TG: variants seen among roughly 807,000 people sequenced by gnomAD.
TG encodes the protein thyroglobulin, also known as thyroid hormones.
A neutral mutation model predicts 324.7 loss-of-function variants in TG; 270 were observed. That is an observed-to-expected ratio of 0.83 (90% CI 0.75 to 0.92). The LOEUF (loss-of-function observed/expected upper bound fraction) is 0.92. Among genes scored for constraint, TG ranks in the 40% least tolerant of loss-of-function variants. The pLI is 0.00. For synonymous variants in TG, 1,401 were observed against 1,327.0 expected, an observed-to-expected ratio of 1.06 and a Z score of -1.21; for missense variants, 3,591 against 3,456.4, an observed-to-expected ratio of 1.04 and a Z score of -0.98.
At chr8:132,941,785 G>A (rs1587501467) in intron 26 of TG, among the ~76,000 whole-genome samples, 1 of 152,112 alleles carries the variant, frequency 6.6e-6, no homozygotes, top group Non-Finnish European at 1.5e-5. Flanking sequence ...GTCTTTACGG[G>A]GCATATTGCA....
intron 41 of TG, among the ~76,000 whole-genome samples, chr8:133,080,811 C>T (rs748848085): frequency 1.3e-4 from 20 of 152,188 alleles, no homozygotes; most frequent in Non-Finnish European, 2.9e-4. Flanking sequence ...TGTGTGGATG[C>T]CTTTCCCCCT....
intron 35 of TG, among the ~76,000 whole-genome samples, chr8:132,997,150 T>C (rs1043374401): frequency 1.3e-5 from 2 of 152,248 alleles, no homozygotes; most frequent in Non-Finnish European, 2.9e-5. Context: ...TAGATGAACA[T>C]TCAGTCCACT....
intron 41 of TG, among the ~76,000 whole-genome samples, chr8:133,074,556 T>A (rs1844573091): frequency 6.6e-6 from 1 of 152,212 alleles, no homozygotes. Flanking sequence ...CAAATCCCAA[T>A]TATCCTTTGT....
At chr8:133,080,403 C>T (rs1260332034) in intron 41 of TG, among the ~76,000 whole-genome samples, 4 of 152,144 alleles carry the variant, frequency 2.6e-5, no homozygotes, top group African/African-American at 4.8e-5. Context: ...CACCACTAGG[C>T]CTAGGCTCAT....
At chr8:133,065,937 G>A (rs543736331) in intron 41 of TG, among the ~76,000 whole-genome samples, 2 of 152,264 alleles carry the variant, frequency 1.3e-5, no homozygotes, top group Non-Finnish European at 2.9e-5. Flanking sequence ...TTTCCAGCGG[G>A]GATGAGGGGT....
At chr8:132,974,220 C>G (rs1288629076) in intron 34 of TG, among the ~76,000 whole-genome samples, 1 of 152,096 alleles carries the variant, frequency 6.6e-6, no homozygotes, top group Non-Finnish European at 1.5e-5. Flanking sequence ...CCTTGAACTC[C>G]TGACCTCAGG....
chr8:133,071,736 A>C (rs1844076721), intron 41 of TG, among the ~76,000 whole-genome samples: 1 of 152,160 alleles, frequency 6.6e-6, no homozygotes, highest in Non-Finnish European at 1.5e-5. Flanking sequence ...AACCGACTGC[A>C]CTGACTACAC....
intron 26 of TG, 55 bp downstream of exon 26, chr8:132,941,597 T>A: frequency 3.1e-6 from 5 of 1,607,028 alleles, no homozygotes; most frequent in Non-Finnish European, 4.3e-6. Flanking sequence ...CACACAGGGA[T>A]GCAGAAGCCA....
In TG at chr8:133,133,555, G is replaced by A. The variant is rs945747007; in HGVS notation, c.8083G>A (p.Glu2695Lys). 1 of 1,614,202 alleles carries A rather than the reference G, an allele frequency of 6.2e-7. No homozygotes were observed. The highest frequency in any genetic ancestry group is 2.2e-5 in the East Asian group (1 of 44,884). Residue 2695 changes from glutamate (E) to lysine (K), a missense_variant, in exon 47 of 48, where the codon GAG (glutamate) becomes AAG (lysine). By Grantham distance (56) the Glu-to-Lys change is moderately conservative (BLOSUM62 1). Coordinates refer to ENST00000220616, the MANE Select transcript of TG (RefSeq NM_003235.5). ...WPDFVPRAGGENYKEFSELLP... is the reference protein window; with the variant it reads ...WPDFVPRAGGKNYKEFSELLP... The stretch of plus-strand genomic sequence containing the variant: ...TGACTTTGTACCCCGTGCTGGTGGA[G>A]AGAACTACAAGGAGTTCAGTGAGCT...
chr8:132,952,789 A>G (rs1021924253), intron 27 of TG, among the ~76,000 whole-genome samples: 1 of 152,170 alleles, frequency 6.6e-6, no homozygotes, highest in Non-Finnish European at 1.5e-5. Context: ...TTATATCACA[A>G]TTTCACTCAT....
intron 37 of TG, among the ~76,000 whole-genome samples, chr8:133,014,896 T>A (rs1157969090): frequency 1.3e-5 from 2 of 152,160 alleles, no homozygotes; most frequent in Non-Finnish European, 2.9e-5. Flanking sequence ...TATGTAGATT[T>A]TTTTTCTGAG....
At chr8:132,964,072 T>C (rs1417453031) in intron 29 of TG, among the ~76,000 whole-genome samples, 3 of 151,904 alleles carry the variant, frequency 2.0e-5, no homozygotes, top group Non-Finnish European at 4.4e-5. Context: ...TCAGGCGTTG[T>C]GTTTGTGATC....
intron 45 of TG, among the ~76,000 whole-genome samples, chr8:133,122,881 G>A (rs1393765379): frequency 1.3e-5 from 2 of 152,128 alleles, no homozygotes; most frequent in African/African-American, 4.8e-5. Context: ...TTTCTCCCAC[G>A]GTCTGTCTCT....
intron 25 of TG, among the ~76,000 whole-genome samples, chr8:132,937,838 G>A (rs899213676): frequency 1.3e-5 from 2 of 151,614 alleles, no homozygotes; most frequent in African/African-American, 2.4e-5. Context: ...CTGAAAGTTT[G>A]TACTTTGGGG....
intron 22 of TG, among the ~76,000 whole-genome samples, chr8:132,925,493 G>T (rs116354841): frequency 6.7e-6 from 1 of 149,626 alleles, no homozygotes; most frequent in African/African-American, 2.5e-5. Context: ...CTCTAGTGAA[G>T]TGCTAACAAG....
chr8:132,996,687 G>A (rs893672541), intron 35 of TG, among the ~76,000 whole-genome samples: 1 of 152,172 alleles, frequency 6.6e-6, no homozygotes, highest in African/African-American at 2.4e-5. Context: ...AACATATCTA[G>A]GCATTTAGAG....
chr8:133,087,425 C>T (rs1176906210), intron 41 of TG, among the ~76,000 whole-genome samples: 1 of 152,156 alleles, frequency 6.6e-6, no homozygotes, highest in East Asian at 1.9e-4. Flanking sequence ...AGAACCACCT[C>T]CTTCCTCCCT....
chr8:132,940,235 AGGCCCT>A (rs1296281434), intron 25 of TG, among the ~76,000 whole-genome samples: 1 of 152,204 alleles, frequency 6.6e-6, no homozygotes, highest in Non-Finnish European at 1.5e-5. Context: ...TGAAGGGCAC[AGGCCCT>A]GGTGTTCTGT....
chr8:133,021,582 A>G (rs1186789904), intron 39 of TG, among the ~76,000 whole-genome samples: 6 of 152,200 alleles, frequency 3.9e-5, no homozygotes, highest in Non-Finnish European at 8.8e-5. Flanking sequence ...TTTTCTCACA[A>G]TTCTAGAGAC....
Sources: gnomAD v4.1 joint callset for allele counts (sites outside exome capture counted in the v4.1 genomes callset) on GRCh38, gnomAD v4.1.1 for gene constraint, MANE v1.5 for transcripts, NCBI Gene and HGNC (gene_info 2026-07-23, HGNC 2026-07-21) for gene names.